Variants in CNTNAP2 observed in about 807,000 individuals in gnomAD.
The protein encoded by CNTNAP2 is contactin-associated protein-like 2.
A neutral mutation model predicts 155.2 loss-of-function variants in CNTNAP2; 98 were observed. The ratio of observed to expected loss-of-function variants is 0.63; its 90% confidence interval spans 0.54 to 0.75. The LOEUF is 0.75. Among genes scored for constraint, CNTNAP2 ranks in the 30% least tolerant of loss-of-function variants. The pLI is 0.00. For missense variants in CNTNAP2, 1,727 were observed against 1,688.1 expected (o/e 1.02, Z -0.40); for synonymous variants, 651 against 631.2 (o/e 1.03, Z -0.47).
chr7:147,506,242 T>C (rs897246402), intron 11 of CNTNAP2, among the ~76,000 whole-genome samples: 3 of 152,060 alleles, frequency 2.0e-5, no homozygotes, highest in African/African-American at 7.2e-5. Flanking sequence ...TCTAAAATTT[T>C]TTGTTTGTTT....
intron 3 of CNTNAP2, among the ~76,000 whole-genome samples, chr7:146,898,089 A>G (rs1393474684): frequency 6.6e-6 from 1 of 152,058 alleles, no homozygotes; most frequent in Non-Finnish European, 1.5e-5. Context: ...ATCATAGTAT[A>G]TTATTTTGAT....
chr7:146,849,118 T>G (rs1794821394), intron 3 of CNTNAP2, among the ~76,000 whole-genome samples: 1 of 152,196 alleles, frequency 6.6e-6, no homozygotes, highest in Non-Finnish European at 1.5e-5. Flanking sequence ...ACTCTGAAAT[T>G]ATATCCTGTG....
chr7:146,374,509 G>A lies in CNTNAP2; in HGVS notation c.97+257536G>A, dbSNP rs578071497. 7.2e-5 allele frequency among the ~76,000 whole-genome samples: 11 copies of A among 152,314 alleles called. No homozygotes were observed. In the East Asian group the frequency reaches 2.1e-3, roughly 29 times the overall value. On this transcript the variant is annotated intron_variant, in intron 1 of 23. Transcript: ENST00000361727. ...ATCATTAAAAATTCACTTTAGCTGT[G>A]AGGAAGGATTTAAGGAAAGAGCCTG...
chr7:148,187,140 AC>A lies in CNTNAP2; in HGVS notation c.3010+14663del, dbSNP rs1485607103. Among the ~76,000 whole-genome samples the A allele has an allele frequency of 0.013, 1,929 of 151,206 alleles. 69 individuals are homozygous for A. The East Asian group carries it at 0.13, about 10-fold the overall frequency. On this transcript the variant is annotated intron_variant, in intron 18 of 23. Coordinates refer to ENST00000361727, the MANE Select transcript of CNTNAP2 (RefSeq NM_014141.6). ...CACACACACACACACACACACACAC[AC>A]ACACACAAACAGAGCCAGGTGTGAG...
At chr7:146,822,085 A>G (rs1291849443) in intron 2 of CNTNAP2, among the ~76,000 whole-genome samples, 8 of 152,210 alleles carry the variant, frequency 5.3e-5, no homozygotes, top group Non-Finnish European at 2.9e-5. Flanking sequence ...ATGTCCAGCA[A>G]CGATAGACTG....
intron 1 of CNTNAP2, among the ~76,000 whole-genome samples, chr7:146,174,830 G>A (rs938626911): frequency 1.1e-4 from 16 of 152,158 alleles, no homozygotes; most frequent in African/African-American, 2.2e-4. Context: ...GCGGCAGAGC[G>A]AGACTCATCT....
intron 4 of CNTNAP2, among the ~76,000 whole-genome samples, chr7:147,063,405 A>G (rs1044103108): frequency 1.3e-5 from 2 of 152,124 alleles, no homozygotes; most frequent in African/African-American, 4.8e-5. Flanking sequence ...ACTAGAGGAT[A>G]ATTTTACAAC....
At chr7:147,825,479 A>G (rs923097900) in intron 13 of CNTNAP2, among the ~76,000 whole-genome samples, 11 of 152,226 alleles carry the variant, frequency 7.2e-5, no homozygotes, top group African/African-American at 2.7e-4. Context: ...AGAGTAATTC[A>G]TTATTATAAA....
At chr7:148,044,114 GAA>G in intron 15 of CNTNAP2, among the ~76,000 whole-genome samples, 1 of 151,378 alleles carries the variant, frequency 6.6e-6, no homozygotes, top group East Asian at 1.9e-4. Flanking sequence ...CGGTAAAAAT[GAA>G]AAGAGTACAA....
intron 2 of CNTNAP2, among the ~76,000 whole-genome samples, chr7:146,817,753 G>T (rs1290832601): frequency 1.3e-5 from 2 of 151,954 alleles, no homozygotes; most frequent in African/African-American, 4.8e-5. Context: ...CCAAGAGGAT[G>T]GTGCTAAACC....
intron 1 of CNTNAP2, among the ~76,000 whole-genome samples, chr7:146,162,163 G>C (rs1409652641): frequency 6.6e-6 from 1 of 152,156 alleles, no homozygotes; most frequent in Non-Finnish European, 1.5e-5. Context: ...TTGACAAATA[G>C]GATCTAATTA....
intron 11 of CNTNAP2, among the ~76,000 whole-genome samples, chr7:147,552,781 G>A (rs1421897386): frequency 1.3e-5 from 2 of 152,168 alleles, no homozygotes; most frequent in African/African-American, 4.8e-5. Context: ...GGACCCTGTA[G>A]CCAGAATTCC....
chr7:147,081,410 A>G (rs2014665), intron 4 of CNTNAP2: 127,584 of 148,240 alleles, frequency 0.86, 55,265 homozygotes, highest in African/African-American at 0.96. Context: ...TTAAAAACTA[A>G]GAGATTCTTT....
intron 1 of CNTNAP2, among the ~76,000 whole-genome samples, chr7:146,712,279 T>A (rs37045): frequency 0.01 from 1,061 of 102,136 alleles, 26 homozygotes; most frequent in Non-Finnish European, 0.017. Context: ...TATGTATACA[T>A]ATATGTATAC....
chr7:146,978,661 A>G (rs1312682399), intron 3 of CNTNAP2, among the ~76,000 whole-genome samples: 1 of 151,802 alleles, frequency 6.6e-6, no homozygotes, highest in Non-Finnish European at 1.5e-5. Flanking sequence ...CACAGAATTA[A>G]TAGGCATTAA....
At chr7:147,423,761 A>G (rs1342316493) in intron 10 of CNTNAP2, among the ~76,000 whole-genome samples, 2 of 152,162 alleles carry the variant, frequency 1.3e-5, no homozygotes, top group East Asian at 1.9e-4. Context: ...ATCATTAACT[A>G]CAACTACTCC....
At chr7:148,120,411 T>G (rs760956272) in intron 16 of CNTNAP2, among the ~76,000 whole-genome samples, 13 of 151,216 alleles carry the variant, frequency 8.6e-5, no homozygotes, top group Non-Finnish European at 1.6e-4. Flanking sequence ...GGACTACAGG[T>G]GCGTGGCACT....
In CNTNAP2 at chr7:148,196,094, A is replaced by C. The variant is rs114164210; in HGVS notation, c.3011-21194A>C. Among the ~76,000 whole-genome samples, 226 of 152,322 alleles carry C rather than the reference A, an allele frequency of 1.5e-3. 1 individual carries two copies. The highest frequency in any genetic ancestry group is 5.1e-3 in the African/African-American group (211 of 41,570). On this transcript the variant is annotated intron_variant, in intron 18 of 23. Transcript: ENST00000361727. ...ACACTAATTGAAAGCAAAAACACAA[A>C]CAGCATTTTTAAAGAGTTTCTAGGA...
At chr7:146,920,893 A>G (rs947211184) in intron 3 of CNTNAP2, among the ~76,000 whole-genome samples, 2 of 152,224 alleles carry the variant, frequency 1.3e-5, no homozygotes, top group Non-Finnish European at 2.9e-5. Flanking sequence ...CAAAGAAAAC[A>G]GATAATAGAT....
Sources: allele counts gnomAD v4.1 joint callset (sites outside exome capture counted in the v4.1 genomes callset), GRCh38; gene constraint gnomAD v4.1.1; transcripts MANE v1.5; gene names NCBI Gene and HGNC (gene_info 2026-07-23, HGNC 2026-07-21).